CSMD1: variants seen among roughly 807,000 people sequenced by gnomAD.
The protein encoded by CSMD1 is CUB and Sushi multiple domains 1.
CSMD1 carries 213 observed loss-of-function variants against 417.5 expected under a neutral mutation model. The observed-to-expected ratio is 0.51, with a 90% CI of 0.46 to 0.57. The LOEUF (loss-of-function observed/expected upper bound fraction) is 0.57, where lower values mean the gene tolerates loss of function less well. Among genes scored for constraint, CSMD1 ranks in the 20% least tolerant of loss-of-function variants. CSMD1 has a pLI of 0.00. For missense variants in CSMD1, 6,923 were observed against 4,529.7 expected (o/e 1.53, Z -15.17); for synonymous variants, 2,862 against 1,736.8 (o/e 1.65, Z -16.11).
chr8:3,658,476 A>ATATATG (rs1798241656), intron 7 of CSMD1, among the ~76,000 whole-genome samples: 1 of 147,872 alleles, frequency 6.8e-6, no homozygotes, highest in African/African-American at 2.5e-5. Flanking sequence ...GTATATATAT[A>ATATATG]TATATTTAAT....
At chr8:4,590,120 T>A (rs1179472713) in intron 2 of CSMD1, among the ~76,000 whole-genome samples, 1 of 152,220 alleles carries the variant, frequency 6.6e-6, no homozygotes, top group Non-Finnish European at 1.5e-5. Context: ...TAGAATAACA[T>A]GCAATTTTAT....
At position 4,592,685 on chromosome 8, in the gene CSMD1, C is replaced by G. The variant is rs150090672; in HGVS notation, c.302+44657G>C. Among the ~76,000 whole-genome samples the G allele has an allele frequency of 5.6e-3, 859 of 152,254 alleles. 8 individuals carry two copies. Among genetic ancestry groups the G allele is most frequent in the African/African-American group, 0.02 (827 of 41,554 alleles). On this transcript the variant is annotated intron_variant, in intron 2 of 69. Coordinates refer to ENST00000635120, the MANE Select transcript of CSMD1 (RefSeq NM_033225.6). ...TACCAGCGTGAGCCACTGTACCCGG[C>G]CTCTTTTCCTTATTTTTGATGACAT...
intron 1 of CSMD1, among the ~76,000 whole-genome samples, chr8:4,638,734 G>T (rs1352664980): frequency 6.6e-6 from 1 of 152,184 alleles, no homozygotes; most frequent in Non-Finnish European, 1.5e-5. Flanking sequence ...TTTGGCAGGT[G>T]GAATTGGGAT....
intron 7 of CSMD1, among the ~76,000 whole-genome samples, chr8:3,646,761 T>A (rs1040534985): frequency 6.6e-6 from 1 of 152,138 alleles, no homozygotes; most frequent in Non-Finnish European, 1.5e-5. Context: ...AACGTTTTCA[T>A]GGATAACCAC....
At chr8:4,510,937 G>A (rs77535005) in intron 2 of CSMD1, among the ~76,000 whole-genome samples, 14 of 138,058 alleles carry the variant, frequency 1.0e-4, no homozygotes, top group South Asian at 9.7e-4. Flanking sequence ...CTCCGTTCCC[G>A]TTCCTTTCCT....
In CSMD1 at chr8:4,876,743, G is replaced by C. The variant is rs182550397; in HGVS notation, c.85+117589C>G. Among the ~76,000 whole-genome samples, 62 of 152,150 alleles carry C rather than the reference G, an allele frequency of 4.1e-4. 1 individual carries two copies. The East Asian group carries it at 0.012, about 28-fold the overall frequency. ...TCATGACCTCTTTCTTGTGTGCTGA[G>C]TGTACCAGTTTACATCTGGAGTCAT... On this transcript the variant is annotated intron_variant, in intron 1 of 69. Coordinates refer to ENST00000635120, the MANE Select transcript of CSMD1 (RefSeq NM_033225.6).
chr8:3,515,153 A>G (rs1487670454), intron 10 of CSMD1: 1 of 152,246 alleles, frequency 6.6e-6, no homozygotes, highest in Non-Finnish European at 1.5e-5. Context: ...CGAAGGATCA[A>G]GAAGTAGTCA....
chr8:3,869,962 A>G (rs528408894), intron 5 of CSMD1, among the ~76,000 whole-genome samples: 10 of 151,878 alleles, frequency 6.6e-5, no homozygotes, highest in Admixed American at 5.9e-4. Context: ...TGTCATCTAT[A>G]TATTTTAAAA....
intron 3 of CSMD1, among the ~76,000 whole-genome samples, chr8:4,417,610 A>C (rs558915016): frequency 6.6e-6 from 1 of 152,058 alleles, no homozygotes; most frequent in African/African-American, 2.4e-5. Context: ...TCAGTATTTT[A>C]TTCTATTATT....
chr8:3,669,573 T>C (rs569073829), intron 7 of CSMD1, among the ~76,000 whole-genome samples: 2 of 152,318 alleles, frequency 1.3e-5, no homozygotes, highest in South Asian at 4.1e-4. Flanking sequence ...GAATGTAGCC[T>C]GAATGAGACT....
intron 62 of CSMD1, among the ~76,000 whole-genome samples, chr8:2,960,612 T>C (rs1327067681): frequency 6.6e-6 from 1 of 152,168 alleles, no homozygotes. Context: ...TCCAAAATGA[T>C]ATTTAGTACG....
chr8:3,730,661 C>G (rs1214277144), intron 6 of CSMD1, among the ~76,000 whole-genome samples: 1 of 152,120 alleles, frequency 6.6e-6, no homozygotes, highest in Admixed American at 6.6e-5. Context: ...ACAGATTGAC[C>G]TTCACCAGCA....
chr8:3,885,316 A>G (rs1806486443), intron 5 of CSMD1, among the ~76,000 whole-genome samples: 1 of 152,174 alleles, frequency 6.6e-6, no homozygotes, highest in Non-Finnish European at 1.5e-5. Flanking sequence ...GGGGTTTGTC[A>G]GTATTTATTG....
intron 32 of CSMD1, among the ~76,000 whole-genome samples, chr8:3,201,176 A>C (rs1490789305): frequency 1.3e-5 from 2 of 152,214 alleles, no homozygotes; most frequent in Admixed American, 6.5e-5. Flanking sequence ...GTATGCATGT[A>C]TACATGTGAA....
chr8:4,572,816 C>G (rs1288395573), intron 2 of CSMD1, among the ~76,000 whole-genome samples: 1 of 152,026 alleles, frequency 6.6e-6, no homozygotes, highest in African/African-American at 2.4e-5. Flanking sequence ...CTATTCTTTC[C>G]TTTCATTCTT....
Position 3,221,161 on chromosome 8 carries a change from A to T in CSMD1, c.4485-1719T>A, listed in dbSNP as rs545092499. On this transcript the variant is annotated intron_variant, in intron 28 of 69. Transcript: ENST00000635120. ...CACTGCACCATGAAGGGGAACAGAG[A>T]ACGTGGTACCGCCAGCATCGGTGCA... is the stretch of plus-strand genomic sequence containing the variant. 9.9e-5 allele frequency among the ~76,000 whole-genome samples: 15 copies of T among 152,266 alleles called. No homozygotes were observed. The South Asian group carries it at 2.9e-3, about 29-fold the overall frequency.
intron 2 of CSMD1, among the ~76,000 whole-genome samples, chr8:4,604,834 G>C (rs997283022): frequency 6.6e-6 from 1 of 152,198 alleles, no homozygotes; most frequent in Non-Finnish European, 1.5e-5. Context: ...CCAAGGATCT[G>C]TCAGTATAGT....
intron 9 of CSMD1, 131 bp from the exon 10 acceptor site, chr8:3,575,197 G>T (rs1001765677): frequency 4.2e-6 from 4 of 944,172 alleles, no homozygotes; most frequent in Middle Eastern, 3.5e-4. Flanking sequence ...ATGGTGCATG[G>T]ACTCCAACTG....
chr8:4,679,478 T>A (rs942455683), intron 1 of CSMD1, among the ~76,000 whole-genome samples: 1 of 152,238 alleles, frequency 6.6e-6, no homozygotes, highest in East Asian at 1.9e-4. Flanking sequence ...TCTATATACC[T>A]ATCACTATTC....
Sources: allele counts gnomAD v4.1 joint callset (sites outside exome capture counted in the v4.1 genomes callset), GRCh38; gene constraint gnomAD v4.1.1; transcripts MANE v1.5; gene names NCBI Gene and HGNC (gene_info 2026-07-23, HGNC 2026-07-21).